RYR3: variants seen among roughly 807,000 people sequenced by gnomAD.
RYR3 encodes the protein ryanodine receptor 3.
In RYR3, 207 loss-of-function variants were observed where a neutral mutation model predicts 584.3. That is an observed-to-expected ratio of 0.35 (90% confidence interval 0.32 to 0.40). The LOEUF is 0.40. RYR3 is among the 10% of genes least tolerant of loss of function. RYR3 has a pLI of 1.00. For synonymous variants in RYR3, 2,416 were observed against 2,248.5 expected, an observed-to-expected ratio of 1.07 and a Z score of -2.11; for missense variants, 5,616 against 6,089.2, an observed-to-expected ratio of 0.92 and a Z score of 2.59.
chr15:33,737,758 C>T (rs535897272), intron 49 of RYR3, among the ~76,000 whole-genome samples: 2 of 152,330 alleles, frequency 1.3e-5, no homozygotes, highest in East Asian at 3.9e-4. Context: ...CAGCTGGATA[C>T]TGGCTTTGAA....
intron 10 of RYR3, among the ~76,000 whole-genome samples, chr15:33,554,044 C>T (rs985509410): frequency 6.6e-6 from 1 of 152,192 alleles, no homozygotes; most frequent in African/African-American, 2.4e-5. Context: ...CAGTGAGCGC[C>T]TTCTCATGCT....
chr15:33,810,817 C>A (rs934182345), intron 71 of RYR3, 161 bp from the exon 72 acceptor site: 1 of 1,041,452 alleles, frequency 9.6e-7, no homozygotes, highest in Non-Finnish European at 1.4e-6. Context: ...GTTTGGAAGT[C>A]CGTGTGTGCC....
intron 62 of RYR3, among the ~76,000 whole-genome samples, chr15:33,770,372 T>G (rs1199861703): frequency 6.6e-6 from 1 of 152,194 alleles, no homozygotes; most frequent in African/African-American, 2.4e-5. Context: ...TGTTTGTTTG[T>G]TTTATTTTGT....
chr15:33,455,454 A>C (rs573542248), intron 1 of RYR3, among the ~76,000 whole-genome samples: 1 of 152,204 alleles, frequency 6.6e-6, no homozygotes. Flanking sequence ...CTCTAAAGGC[A>C]CAAGAGGCTG....
intron 64 of RYR3, among the ~76,000 whole-genome samples, chr15:33,779,165 A>G (rs143782661): frequency 5.3e-5 from 8 of 152,238 alleles, no homozygotes; most frequent in African/African-American, 1.9e-4. Context: ...TGCAGATTCT[A>G]TCATAGTCTT....
intron 43 of RYR3, chr15:33,722,411 T>C: frequency 5.1e-6 from 2 of 394,702 alleles, no homozygotes; most frequent in South Asian, 3.3e-5. Flanking sequence ...CTTAATACTT[T>C]AAACAAACAG....
intron 2 of RYR3, among the ~76,000 whole-genome samples, chr15:33,476,826 A>C (rs981414751): frequency 1.2e-4 from 18 of 152,282 alleles, no homozygotes; most frequent in African/African-American, 3.9e-4. Flanking sequence ...TCTCACAGAG[A>C]AACAGGGTCA....
rs139692283 is a variant in RYR3 at position 33,442,323 on chromosome 15, A to C, written c.52-31096A>C. Among the ~76,000 whole-genome samples, 779 of 152,326 alleles carry C rather than the reference A, an allele frequency of 5.1e-3. 4 individuals carry two copies. Among genetic ancestry groups the C allele is most frequent in the African/African-American group, 0.018 (746 of 41,584 alleles). On this transcript the variant is annotated intron_variant, in intron 1 of 103. Coordinates refer to ENST00000634891, the MANE Select transcript of RYR3 (RefSeq NM_001036.6). ...CACCATGAATTAATTACATTGTTTT[A>C]TGGTATCTCACTTTGATGTTCTCTG...
chr15:33,848,476 G>C (rs28588991), intron 94 of RYR3, 55 bp downstream of exon 94: 2 of 1,545,872 alleles, frequency 1.3e-6, no homozygotes, highest in Non-Finnish European at 1.7e-6. Flanking sequence ...ACTGTAAATA[G>C]AGTAACTCTT....
intron 19 of RYR3, among the ~76,000 whole-genome samples, chr15:33,617,977 T>C (rs1315083265): frequency 6.6e-6 from 1 of 152,168 alleles, no homozygotes; most frequent in African/African-American, 2.4e-5. Context: ...AACAACCGTA[T>C]TCATTATAGA....
chr15:33,726,834 A>G (rs555851385), intron 46 of RYR3, among the ~76,000 whole-genome samples: 1 of 152,402 alleles, frequency 6.6e-6, no homozygotes, highest in African/African-American at 2.4e-5. Flanking sequence ...AAGAAAATGG[A>G]CATGGCACAC....
chr15:33,832,670 A>C (rs2077763187), intron 86 of RYR3, among the ~76,000 whole-genome samples: 3 of 151,514 alleles, frequency 2.0e-5, no homozygotes, highest in African/African-American at 7.3e-5. Flanking sequence ...AAAAAAAAAA[A>C]AACCCTACAT....
At chr15:33,751,586 T>TA (rs2071316455) in intron 57 of RYR3, among the ~76,000 whole-genome samples, 2 of 151,954 alleles carry the variant, frequency 1.3e-5, no homozygotes, top group South Asian at 4.1e-4. Context: ...GAGGTTTTTT[T>TA]TTTTTTCTTG....
At chr15:33,736,464 G>A in intron 49 of RYR3, 139 bp downstream of exon 49, 1 of 587,204 alleles carries the variant, frequency 1.7e-6, no homozygotes. Context: ...TAGCTAACAA[G>A]ATAGATCCCA....
intron 1 of RYR3, among the ~76,000 whole-genome samples, chr15:33,433,525 ATAGAT>A (rs1013234495): frequency 6.6e-6 from 1 of 151,828 alleles, no homozygotes; most frequent in Non-Finnish European, 1.5e-5. Flanking sequence ...ATTAGGGAAG[ATAGAT>A]TAGTAAGTAA....
At chr15:33,860,782 T>C (rs1417620119) in intron 101 of RYR3, 123 bp downstream of exon 101, 3 of 797,338 alleles carry the variant, frequency 3.8e-6, no homozygotes, top group East Asian at 5.3e-5. Context: ...CAGTTTGTTT[T>C]CCATGCCCTG....
chr15:33,852,335 TCTTAA>T (rs1257502135), intron 94 of RYR3: 2 of 152,180 alleles, frequency 1.3e-5, no homozygotes, highest in African/African-American at 4.8e-5. Context: ...GACAGTTCTT[TCTTAA>T]CTTTAACAGT....
chr15:33,589,123 A>G (rs1300416352), intron 16 of RYR3, among the ~76,000 whole-genome samples: 1 of 152,086 alleles, frequency 6.6e-6, no homozygotes, highest in Non-Finnish European at 1.5e-5. Context: ...GACATTTATT[A>G]TGTTTTAATC....
Position 33,780,694 on chromosome 15 carries a change from G to C in RYR3, c.9268+353G>C, listed in dbSNP as rs556993402. On this transcript the variant is annotated intron_variant, in intron 65 of 103. Coordinates refer to ENST00000634891, the MANE Select transcript of RYR3 (RefSeq NM_001036.6). ...TTTTTTGCAGTGCCTCTCCAGAGTG[G>C]TATCAGAAGGTGCACATCCACAGTA... Among the ~76,000 whole-genome samples, 135 of 152,250 alleles carry C rather than the reference G, an allele frequency of 8.9e-4. 1 individual carries two copies. The highest frequency in any genetic ancestry group is 3.1e-3 in the African/African-American group (128 of 41,538).
Sources: gnomAD v4.1 joint callset for allele counts (sites outside exome capture counted in the v4.1 genomes callset) on GRCh38, gnomAD v4.1.1 for gene constraint, MANE v1.5 for transcripts, NCBI Gene and HGNC (gene_info 2026-07-23, HGNC 2026-07-21) for gene names.